MACROD2: variants seen among roughly 807,000 people sequenced by gnomAD.
MACROD2 encodes ADP-ribose glycohydrolase MACROD2.
MACROD2 carries 36 observed loss-of-function variants against 70.4 expected under a neutral mutation model. The observed-to-expected ratio is 0.51, with a 90% CI of 0.39 to 0.68. The LOEUF is 0.68. Ranked by LOEUF, MACROD2 falls within the 30% of genes least tolerant of loss-of-function variation. The probability of loss-of-function intolerance (pLI) is 0.00; values close to 1 mark genes in which losing one functional copy is unlikely to be tolerated. For synonymous variants in MACROD2, 172 were observed against 178.8 expected, an observed-to-expected ratio of 0.96 and a Z score of 0.30; for missense variants, 496 against 538.4, an observed-to-expected ratio of 0.92 and a Z score of 0.78.
chr20:15,104,672 T>C (rs2075898058), intron 5 of MACROD2, among the ~76,000 whole-genome samples: 1 of 152,132 alleles, frequency 6.6e-6, no homozygotes, highest in Non-Finnish European at 1.5e-5. Context: ...TTCCAGCGGG[T>C]GCTTTACTTA....
chr20:14,664,392 CTG>C (rs1221585599), intron 4 of MACROD2, among the ~76,000 whole-genome samples: 1 of 152,160 alleles, frequency 6.6e-6, no homozygotes, highest in African/African-American at 2.4e-5. Context: ...TTACAGAAGG[CTG>C]TGTGAGGAAC....
chr20:14,249,128 GTTTTTTTT>G lies in MACROD2; in HGVS notation c.271+163415_271+163422del, dbSNP rs1173672516. On this transcript the variant is annotated intron_variant, in intron 3 of 17. Coordinates refer to ENST00000684519, the MANE Select transcript of MACROD2 (RefSeq NM_001351661.2). ...GGTATTCTTTTCTATGATTTCAAAGGTTTTTTTTTTTTTTTTTTTTTTGGTAGATGACA... is the reference window on the plus strand; with the variant it reads ...GGTATTCTTTTCTATGATTTCAAAGGTTTTTTTTTTTTTTGGTAGATGACA... 7.8e-5 allele frequency among the ~76,000 whole-genome samples: 8 copies of G among 103,070 alleles called. No homozygotes were observed. In the South Asian group the frequency reaches 3.0e-3, roughly 38 times the overall value. The allele number at this position is 103,070 out of a possible 152,430, so 67.6% of individuals were successfully genotyped here.
At chr20:14,454,177 GA>G (rs892456492) in intron 3 of MACROD2, among the ~76,000 whole-genome samples, 21 of 151,802 alleles carry the variant, frequency 1.4e-4, no homozygotes, top group African/African-American at 5.1e-4. Context: ...TAGCAAGGAT[GA>G]AAAATTGTTG....
chr20:15,882,612 G>T (rs150470800), intron 9 of MACROD2, among the ~76,000 whole-genome samples: 122 of 152,128 alleles, frequency 8.0e-4, no homozygotes, highest in African/African-American at 2.8e-3. Flanking sequence ...ATTGAGAGAC[G>T]GTAGTGAGGG....
At chr20:14,853,351 C>T (rs760495991) in intron 5 of MACROD2, among the ~76,000 whole-genome samples, 1 of 151,824 alleles carries the variant, frequency 6.6e-6, no homozygotes, top group African/African-American at 2.4e-5. Context: ...AAAAGGGGTG[C>T]GGAAGAGTTA....
In MACROD2 at chr20:15,539,967, G is replaced by A. The variant is rs574379366; in HGVS notation, c.645+40120G>A. On this transcript the variant is annotated intron_variant, in intron 8 of 17. Coordinates refer to ENST00000684519, the MANE Select transcript of MACROD2 (RefSeq NM_001351661.2). ...CGTGCCACTGCACTCCAGCCTGGGC[G>A]ACAGAGCGAGACTCCATCTCAAAAA... Among the ~76,000 whole-genome samples the A allele has an allele frequency of 5.9e-5, 9 of 152,310 alleles. No individual in the cohort carries two copies. The South Asian group carries it at 8.3e-4, about 14-fold the overall frequency.
chr20:14,582,006 A>G (rs1206674087), intron 4 of MACROD2, among the ~76,000 whole-genome samples: 1 of 152,144 alleles, frequency 6.6e-6, no homozygotes, highest in African/African-American at 2.4e-5. Context: ...TCAGTTGCTC[A>G]CGTTAGTCAC....
At chr20:15,356,781 CA>C (rs1040182491) in intron 6 of MACROD2, among the ~76,000 whole-genome samples, 2 of 151,704 alleles carry the variant, frequency 1.3e-5, no homozygotes, top group African/African-American at 4.8e-5. Flanking sequence ...GAGACTATCT[CA>C]AAAAAAATTT....
chr20:14,117,692 A>G (rs2054533170), intron 3 of MACROD2, among the ~76,000 whole-genome samples: 1 of 152,084 alleles, frequency 6.6e-6, no homozygotes, highest in African/African-American at 2.4e-5. Context: ...TTTGGAAATT[A>G]TTTTCTAAAA....
At chr20:14,183,270 A>G (rs908446568) in intron 3 of MACROD2, among the ~76,000 whole-genome samples, 1 of 151,770 alleles carries the variant, frequency 6.6e-6, no homozygotes, top group African/African-American at 2.4e-5. Flanking sequence ...TATAAGTGAG[A>G]ACATGCTGTA....
intron 8 of MACROD2, among the ~76,000 whole-genome samples, chr20:15,586,282 G>C (rs552041092): frequency 1.3e-5 from 2 of 152,290 alleles, no homozygotes; most frequent in South Asian, 4.1e-4. Flanking sequence ...GGGGCCTTAG[G>C]ATTTGCATTT....
chr20:15,519,550 T>G (rs190193878), intron 8 of MACROD2, among the ~76,000 whole-genome samples: 1 of 152,334 alleles, frequency 6.6e-6, no homozygotes, highest in African/African-American at 2.4e-5. Flanking sequence ...TATATGAAAC[T>G]AGTTGATAAG....
In MACROD2 at chr20:15,993,999, A is replaced by T. The variant is rs144759837; in HGVS notation, c.1153+6841A>T. Among the ~76,000 whole-genome samples the T allele has an allele frequency of 2.7e-3, 404 of 152,282 alleles. 2 individuals carry two copies. Among genetic ancestry groups the T allele is most frequent in the African/African-American group, 9.5e-3 (395 of 41,560 alleles). ...CCTTCCACCCCAGTGACACCCAGGGATCTCTTTTATCCATTGTCAAGTCTT... is the reference window on the plus strand; with the variant it reads ...CCTTCCACCCCAGTGACACCCAGGGTTCTCTTTTATCCATTGTCAAGTCTT... On this transcript the variant is annotated intron_variant, in intron 15 of 17. Coordinates refer to ENST00000684519, the MANE Select transcript of MACROD2 (RefSeq NM_001351661.2).
chr20:15,831,392 A>C (rs1319268488), intron 8 of MACROD2, among the ~76,000 whole-genome samples: 2 of 152,184 alleles, frequency 1.3e-5, no homozygotes, highest in East Asian at 3.9e-4. Flanking sequence ...TAACTCATGA[A>C]ACCTGAATAC....
intron 2 of MACROD2, among the ~76,000 whole-genome samples, chr20:14,044,522 G>A (rs187012559): frequency 4.6e-5 from 7 of 152,152 alleles, no homozygotes; most frequent in Admixed American, 3.9e-4. Context: ...AGAGCTGATT[G>A]GTGTGTTTTA....
intron 3 of MACROD2, among the ~76,000 whole-genome samples, chr20:14,401,181 T>C (rs947656726): frequency 1.3e-5 from 2 of 152,210 alleles, no homozygotes; most frequent in African/African-American, 4.8e-5. Flanking sequence ...TGCCAAGGGA[T>C]AGTTCTGGAA....
intron 3 of MACROD2, among the ~76,000 whole-genome samples, chr20:14,328,698 C>T (rs1267903674): frequency 1.3e-5 from 2 of 151,948 alleles, no homozygotes; most frequent in African/African-American, 4.8e-5. Context: ...TGTTCTTCAC[C>T]GTTTATTCAA....
At chr20:15,911,791 C>T (rs577385267) in intron 10 of MACROD2, among the ~76,000 whole-genome samples, 6 of 152,232 alleles carry the variant, frequency 3.9e-5, no homozygotes, top group Middle Eastern at 3.4e-3. Context: ...AAGAATAGGG[C>T]GTACAGGAAG....
At chr20:14,258,650 A>G (rs997577233) in intron 3 of MACROD2, among the ~76,000 whole-genome samples, 1 of 151,804 alleles carries the variant, frequency 6.6e-6, no homozygotes, top group African/African-American at 2.4e-5. Context: ...ATTTTCTCCC[A>G]TTGTGTGGGT....
Sources: gnomAD v4.1 joint callset for allele counts (sites outside exome capture counted in the v4.1 genomes callset) on GRCh38, gnomAD v4.1.1 for gene constraint, MANE v1.5 for transcripts, NCBI Gene and HGNC (gene_info 2026-07-23, HGNC 2026-07-21) for gene names.